Variants in MMP26 observed in about 807,000 individuals in gnomAD.
The protein encoded by MMP26 is matrix metallopeptidase 26.
MMP26 carries 33 observed loss-of-function variants against 31.0 expected under a neutral mutation model. That is an observed-to-expected ratio of 1.06 (90% CI 0.81 to 1.42). MMP26 has a LOEUF of 1.42. Ranked by LOEUF, MMP26 falls within the 40% of genes most tolerant of loss-of-function variation. MMP26 has a pLI of 0.00. For missense variants in MMP26, 347 were observed against 316.1 expected (o/e 1.10, Z -0.74); for synonymous variants, 122 against 114.9 (o/e 1.06, Z -0.40).
At chr11:4,984,978 T>G (rs540738206) in intron 2 of MMP26, among the ~76,000 whole-genome samples, 56 of 152,284 alleles carry the variant, frequency 3.7e-4, no homozygotes, top group African/African-American at 1.3e-3. Context: ...TTTTTGCTTC[T>G]TTCAAAACTA....
At chr11:4,967,160 T>G (rs984492987) in intron 2 of MMP26, among the ~76,000 whole-genome samples, 13 of 152,140 alleles carry the variant, frequency 8.5e-5, no homozygotes, top group Admixed American at 8.5e-4. Flanking sequence ...GAAGAAAAAT[T>G]GGAAATATTA....
chr11:4,905,306 G>A (rs1343615929), intron 2 of MMP26, among the ~76,000 whole-genome samples: 1 of 152,110 alleles, frequency 6.6e-6, no homozygotes, highest in Non-Finnish European at 1.5e-5. Flanking sequence ...AACTGTTCAA[G>A]GCCCTTTTCC....
intron 2 of MMP26, among the ~76,000 whole-genome samples, chr11:4,782,804 C>G (rs992446620): frequency 2.6e-5 from 4 of 152,200 alleles, no homozygotes; most frequent in African/African-American, 9.6e-5. Context: ...CCAGACATGG[C>G]TGAAAGGGGC....
At chr11:4,864,371 CT>C (rs1850206669) in intron 2 of MMP26, among the ~76,000 whole-genome samples, 2 of 152,148 alleles carry the variant, frequency 1.3e-5, no homozygotes, top group African/African-American at 4.8e-5. Flanking sequence ...TTCACAGACC[CT>C]TTCTATCACA....
chr11:4,723,127 C>G lies in MMP26; in HGVS notation c.-217+18082C>G. On this transcript the variant is annotated intron_variant, in intron 1 of 7. Coordinates refer to ENST00000380390, the MANE Select transcript of MMP26 (RefSeq NM_021801.5). The stretch of plus-strand genomic sequence containing the variant: ...GCTGCAGGGCGGCCTCCAGCTCGGA[C>G]AGCTTGGAGTTGGCATCCTTAATGG... 3 of 1,586,436 alleles carry G rather than the reference C, an allele frequency of 1.9e-6. No individual in the cohort carries two copies. The Admixed American group carries it at 5.0e-5, about 26-fold the overall frequency.
At chr11:4,776,647 A>G (rs2133427929) in intron 2 of MMP26, among the ~76,000 whole-genome samples, 2 of 152,140 alleles carry the variant, frequency 1.3e-5, no homozygotes, top group East Asian at 3.8e-4. Context: ...TCATGGGGGC[A>G]GATTTCCTGT....
At chr11:4,987,005 C>T (rs756564706) in intron 2 of MMP26, among the ~76,000 whole-genome samples, 22 of 132,468 alleles carry the variant, frequency 1.7e-4, no homozygotes, top group Non-Finnish European at 2.8e-4. Context: ...GAGTTTCGCT[C>T]TTGTTGCCCA....
chr11:4,815,252 G>A (rs1350328392), intron 2 of MMP26, among the ~76,000 whole-genome samples: 1 of 152,156 alleles, frequency 6.6e-6, no homozygotes, highest in Non-Finnish European at 1.5e-5. Context: ...ATTTGTCTCA[G>A]GTGAGCAAAG....
chr11:4,794,330 G>A (rs1048434711), intron 2 of MMP26: 9 of 152,114 alleles, frequency 5.9e-5, no homozygotes, highest in Non-Finnish European at 1.0e-4. Context: ...CAATAGATAC[G>A]AGGCTTTTAA....
chr11:4,726,920 G>A (rs1848108640), intron 1 of MMP26, among the ~76,000 whole-genome samples: 1 of 152,152 alleles, frequency 6.6e-6, no homozygotes, highest in Non-Finnish European at 1.5e-5. Context: ...TGAGGCAGGA[G>A]GTTCAGGATT....
chr11:4,794,441 C>T (rs1282061617), intron 2 of MMP26, among the ~76,000 whole-genome samples: 2 of 152,162 alleles, frequency 1.3e-5, no homozygotes, highest in African/African-American at 4.8e-5. Context: ...CCTAGTTCCT[C>T]ATAGGTTGAG....
intron 1 of MMP26, among the ~76,000 whole-genome samples, chr11:4,733,108 C>G (rs1337875355): frequency 6.6e-6 from 1 of 152,192 alleles, no homozygotes; most frequent in African/African-American, 2.4e-5. Flanking sequence ...CTTTGCTCTT[C>G]TTTTTCAAGA....
At chr11:4,935,784 G>T (rs1851431078) in intron 2 of MMP26, among the ~76,000 whole-genome samples, 1 of 151,430 alleles carries the variant, frequency 6.6e-6, no homozygotes, top group Non-Finnish European at 1.5e-5. Flanking sequence ...TTTTTAGCAT[G>T]AAGAGTTGTT....
intron 2 of MMP26, among the ~76,000 whole-genome samples, chr11:4,856,655 C>T (rs2133506071): frequency 6.6e-6 from 1 of 152,278 alleles, no homozygotes; most frequent in South Asian, 2.1e-4. Context: ...CAACATTAGA[C>T]AGATCAATGA....
intron 2 of MMP26, chr11:4,848,160 A>G: frequency 6.9e-7 from 1 of 1,449,336 alleles, no homozygotes; most frequent in South Asian, 1.3e-5. Context: ...TGATCATTTC[A>G]TGCTTGGTGA....
At chr11:4,989,584 G>C (rs1358882900) in intron 3 of MMP26, 64 bp from the exon 4 acceptor site, 3 of 1,344,982 alleles carry the variant, frequency 2.2e-6, no homozygotes, top group East Asian at 4.9e-5. Flanking sequence ...GCTATGCCCA[G>C]GGTAACTGAT....
At chr11:4,908,258 C>A (rs756756460) in intron 2 of MMP26, 1 of 1,614,078 alleles carries the variant, frequency 6.2e-7, no homozygotes, top group Non-Finnish European at 8.5e-7. Flanking sequence ...AAAGACTCGA[C>A]AAATCTGGGA....
At chr11:4,759,316 C>T (rs74472193) in intron 1 of MMP26, among the ~76,000 whole-genome samples, 3,473 of 152,060 alleles carry the variant, frequency 0.023, 115 homozygotes, top group African/African-American at 0.072. Flanking sequence ...AGTTGTGTCA[C>T]GGAGTGTTTA....
intron 1 of MMP26, among the ~76,000 whole-genome samples, chr11:4,760,322 C>T (rs990735700): frequency 1.3e-5 from 2 of 151,920 alleles, no homozygotes; most frequent in African/African-American, 4.8e-5. Flanking sequence ...AAGATGGATC[C>T]TTTATTATAT....
Sources: gnomAD v4.1 joint callset for allele counts (sites outside exome capture counted in the v4.1 genomes callset) on GRCh38, gnomAD v4.1.1 for gene constraint, MANE v1.5 for transcripts, NCBI Gene and HGNC (gene_info 2026-07-23, HGNC 2026-07-21) for gene names.